Variants in PPP1R9A observed in about 807,000 individuals in gnomAD.
PPP1R9A encodes the protein protein phosphatase 1 regulatory subunit 9A, also known as neurabin-1.
In PPP1R9A, 59 loss-of-function variants were observed where a neutral mutation model predicts 141.9. That is an observed-to-expected ratio of 0.42 (90% CI 0.34 to 0.52). The LOEUF (loss-of-function observed/expected upper bound fraction) is 0.52, where lower values mean the gene tolerates loss of function less well. PPP1R9A is among the 20% of genes least tolerant of loss of function. The pLI, the probability that PPP1R9A is intolerant of heterozygous loss-of-function variation, is 0.10. For missense variants in PPP1R9A, 1,444 were observed against 1,611.9 expected (o/e 0.90, Z 1.78); for synonymous variants, 500 against 569.7 (o/e 0.88, Z 1.74).
At chr7:94,956,809 T>G (rs1025473024) in intron 2 of PPP1R9A, among the ~76,000 whole-genome samples, 4 of 152,114 alleles carry the variant, frequency 2.6e-5, no homozygotes, top group Non-Finnish European at 4.4e-5. Context: ...CTACCCATAG[T>G]GCATAGTCAG....
chr7:95,095,084 T>C (rs940567987), intron 2 of PPP1R9A, among the ~76,000 whole-genome samples: 5 of 152,052 alleles, frequency 3.3e-5, no homozygotes, highest in Non-Finnish European at 7.4e-5. Context: ...TTTGGGGTAC[T>C]TTAAATCTGA....
At chr7:95,243,483 A>G (rs757690623) in intron 8 of PPP1R9A, among the ~76,000 whole-genome samples, 24 of 152,092 alleles carry the variant, frequency 1.6e-4, no homozygotes, top group Non-Finnish European at 3.1e-4. Flanking sequence ...TTTTGCATTC[A>G]CTGTCAGAAT....
chr7:95,195,137 CA>C (rs1319187204), intron 5 of PPP1R9A, among the ~76,000 whole-genome samples: 1 of 152,068 alleles, frequency 6.6e-6, no homozygotes, highest in Non-Finnish European at 1.5e-5. Flanking sequence ...CCTTACCACA[CA>C]TCATACATGG....
chr7:95,035,063 C>A (rs1266761502), intron 2 of PPP1R9A, among the ~76,000 whole-genome samples: 1 of 152,104 alleles, frequency 6.6e-6, no homozygotes, highest in Non-Finnish European at 1.5e-5. Flanking sequence ...GAGCTCAGTG[C>A]AGTATTTCAG....
chr7:94,974,512 G>T (rs1799215070), intron 2 of PPP1R9A, among the ~76,000 whole-genome samples: 1 of 152,172 alleles, frequency 6.6e-6, no homozygotes, highest in Admixed American at 6.5e-5. Flanking sequence ...AGTGGATGAT[G>T]TATCAGAGGA....
At chr7:94,957,675 A>T (rs1301215162) in intron 2 of PPP1R9A, among the ~76,000 whole-genome samples, 1 of 152,038 alleles carries the variant, frequency 6.6e-6, no homozygotes, top group Non-Finnish European at 1.5e-5. Context: ...CTGTATTATT[A>T]TTCTTTCTGT....
chr7:94,913,560 CAG>C (rs1378712668), intron 2 of PPP1R9A, among the ~76,000 whole-genome samples: 2 of 152,112 alleles, frequency 1.3e-5, no homozygotes, highest in African/African-American at 2.4e-5. Context: ...AGTTTGCAAA[CAG>C]AAGATTCATT....
chr7:95,135,230 T>A lies in PPP1R9A; in HGVS notation c.1649+14398T>A, dbSNP rs145301571. On this transcript the variant is annotated intron_variant, in intron 4 of 19. Coordinates refer to ENST00000433360, the MANE Select transcript of PPP1R9A (RefSeq NM_001166160.2). ...TGCGTATTTGTGTATGTGTATGGTA[T>A]CCTTAAACAGAGATCATGTCTTATT... 9.2e-5 allele frequency among the ~76,000 whole-genome samples: 14 copies of A among 152,332 alleles called. No homozygotes were observed. In the East Asian group the frequency reaches 2.7e-3, roughly 29 times the overall value.
At chr7:95,252,290 G>A (rs1048598719) in intron 12 of PPP1R9A, among the ~76,000 whole-genome samples, 160 bp downstream of exon 12, 3 of 151,966 alleles carry the variant, frequency 2.0e-5, no homozygotes, top group Admixed American at 6.6e-5. Context: ...TTTAGCTCTC[G>A]TCTTATCAAA....
Position 94,911,088 on chromosome 7 carries a change from T to C in PPP1R9A, c.975T>C (p.Cys325=). The C allele has an allele frequency of 6.2e-7, 1 of 1,614,160 alleles. No homozygotes were observed. Among genetic ancestry groups the C allele is most frequent in the East Asian group, 2.2e-5 (1 of 44,880 alleles). ...ACAAAGATGGTCCTGAAGAACCTTG[T>C]GCTGAAAGTAAGGCAATGCCAAAGT... The part of the protein sequence containing the change: ...SIDKDGPEEP[C]AESKAMPKSE... Residue 325 remains cysteine, a synonymous_variant, in exon 2 of 20, where the codon TGT becomes TGC. Transcript: ENST00000433360.
At chr7:94,974,713 C>G (rs1048641252) in intron 2 of PPP1R9A, among the ~76,000 whole-genome samples, 2 of 152,112 alleles carry the variant, frequency 1.3e-5, no homozygotes, top group Admixed American at 1.3e-4. Context: ...AATGTCTTTG[C>G]CACAGTCAAG....
At chr7:95,161,813 C>A in intron 4 of PPP1R9A, 54 bp from the exon 5 acceptor site, 1 of 1,172,820 alleles carries the variant, frequency 8.5e-7, no homozygotes, top group Non-Finnish European at 1.2e-6. Context: ...ATGATTATTA[C>A]ATAAATTAAT....
intron 2 of PPP1R9A, among the ~76,000 whole-genome samples, chr7:95,034,606 G>A (rs973444662): frequency 1.3e-5 from 2 of 152,116 alleles, no homozygotes; most frequent in African/African-American, 4.8e-5. Flanking sequence ...GCCAGCCTCA[G>A]CCTCCCAAAG....
chr7:95,204,131 C>G (rs933147588), intron 7 of PPP1R9A, among the ~76,000 whole-genome samples: 2 of 152,032 alleles, frequency 1.3e-5, no homozygotes, highest in Admixed American at 1.3e-4. Flanking sequence ...TCTTTTGATA[C>G]AAAATTCTTG....
At chr7:94,975,346 GTTTTTTTTTGTTTTT>G in intron 2 of PPP1R9A, among the ~76,000 whole-genome samples, 1 of 128,624 alleles carries the variant, frequency 7.8e-6, no homozygotes, top group South Asian at 2.9e-4. Flanking sequence ...ACAGGCTGTA[GTTTTTTTTTGTTTTT>G]TTTTTTTTTT....
At chr7:95,084,868 C>T (rs1030079628) in intron 2 of PPP1R9A, among the ~76,000 whole-genome samples, 1 of 151,956 alleles carries the variant, frequency 6.6e-6, no homozygotes, top group Non-Finnish European at 1.5e-5. Flanking sequence ...GCAAACCATG[C>T]TGCAGTGAGT....
intron 3 of PPP1R9A, among the ~76,000 whole-genome samples, chr7:95,111,856 G>C (rs1403786141): frequency 6.6e-6 from 1 of 152,094 alleles, no homozygotes; most frequent in Admixed American, 6.5e-5. Flanking sequence ...AAGGTTGAAA[G>C]AGAGCAGGGA....
chr7:95,211,639 G>T (rs143214293), intron 7 of PPP1R9A, among the ~76,000 whole-genome samples: 2 of 152,010 alleles, frequency 1.3e-5, no homozygotes, highest in African/African-American at 4.8e-5. Flanking sequence ...GGTCTATTAC[G>T]ACTGACTTGT....
rs1804771756 is a variant in PPP1R9A at position 95,283,942 on chromosome 7, T to C, written c.3297-76T>C. On this transcript the variant is annotated intron_variant, in intron 16 of 19. Transcript: ENST00000433360. ...TCTCAAATTGTTACTTCAAACTATATTCAGAGTCCTTGGGTTCAGTAGGTC... is the reference window on the plus strand; with the variant it reads ...TCTCAAATTGTTACTTCAAACTATACTCAGAGTCCTTGGGTTCAGTAGGTC... 8.8e-6 allele frequency: 11 copies of C among 1,255,514 alleles called. No individual in the cohort carries two copies. In the East Asian group the frequency reaches 2.7e-4, roughly 30 times the overall value. The allele number at this position is 1,255,514 out of a possible 1,614,324, so 77.8% of individuals were successfully genotyped here. A position where few individuals can be genotyped will look rare whatever the true frequency, so the allele number is the denominator to read the frequency against.
Sources: allele counts gnomAD v4.1 joint callset (sites outside exome capture counted in the v4.1 genomes callset), GRCh38; gene constraint gnomAD v4.1.1; transcripts MANE v1.5; gene names NCBI Gene and HGNC (gene_info 2026-07-23, HGNC 2026-07-21).